SMAD6: variants seen among roughly 807,000 people sequenced by gnomAD.
The protein encoded by SMAD6 is MAD homolog 6.
In SMAD6, 103 loss-of-function variants were observed where a neutral mutation model predicts 39.4. The ratio of observed to expected loss-of-function variants is 2.62; its 90% CI spans 2.23 to 3.08. The LOEUF (loss-of-function observed/expected upper bound fraction) is 3.08. Among genes scored for constraint, SMAD6 ranks in the 30% most tolerant of loss-of-function variants. The pLI is 0.00. For missense variants in SMAD6, 1,104 were observed against 742.9 expected (o/e 1.49, Z -5.65); for synonymous variants, 445 against 353.3 (o/e 1.26, Z -2.91).
chr15:66,717,712 G>A (rs183577700), intron 3 of SMAD6, among the ~76,000 whole-genome samples: 7 of 152,258 alleles, frequency 4.6e-5, no homozygotes, highest in East Asian at 1.9e-4. Flanking sequence ...GGCTAGAAGC[G>A]GAAGCAGGAA....
chr15:66,742,767 A>T (rs183723468), intron 3 of SMAD6, among the ~76,000 whole-genome samples: 38 of 152,142 alleles, frequency 2.5e-4, no homozygotes, highest in African/African-American at 8.7e-4. Flanking sequence ...CCAGGCCCCG[A>T]GCTGTCCTTA....
chr15:66,713,718 C>T (rs1197700912), intron 2 of SMAD6, among the ~76,000 whole-genome samples: 3 of 152,218 alleles, frequency 2.0e-5, no homozygotes, highest in African/African-American at 7.2e-5. Flanking sequence ...CCCACCAGGT[C>T]CCTTCAGGAG....
chr15:66,703,807 C>G lies in SMAD6; in HGVS notation c.549C>G (p.Leu183=). The change falls in exon 1 of 4, where the codon CTC becomes CTG. Residue 183 remains leucine, a synonymous_variant. Coordinates refer to ENST00000288840, the MANE Select transcript of SMAD6 (RefSeq NM_005585.5). ...TCACGTACTCGCTGCTGAAGCGGCT[C>G]AAGGAGCGCTCGCTGGACACGCTGC... is the stretch of plus-strand genomic sequence containing the variant. ...KTVTYSLLKR[L]KERSLDTLLE... is the part of the protein sequence containing the mutation. The G allele has an allele frequency of 7.0e-7, 1 of 1,434,420 alleles. No homozygotes were observed. Among genetic ancestry groups the G allele is most frequent in the Non-Finnish European group, 9.2e-7 (1 of 1,083,174 alleles). 88.9% of individuals were successfully genotyped at this position (1,434,420 alleles called of 1,614,324 possible).
intron 3 of SMAD6, among the ~76,000 whole-genome samples, chr15:66,769,186 C>T (rs1894339354): frequency 6.6e-6 from 1 of 152,186 alleles, no homozygotes; most frequent in African/African-American, 2.4e-5. Flanking sequence ...GAAACCAGCC[C>T]CTGGCAGGGC....
At chr15:66,771,592 G>C (rs917918150) in intron 3 of SMAD6, among the ~76,000 whole-genome samples, 8 of 152,142 alleles carry the variant, frequency 5.3e-5, no homozygotes, top group Admixed American at 4.6e-4. Context: ...GCGACTGGGG[G>C]ACTCTGAGGA....
At chr15:66,717,393 G>A (rs1196499750) in intron 3 of SMAD6, 6 of 456,152 alleles carry the variant, frequency 1.3e-5, no homozygotes, top group East Asian at 1.4e-4. Context: ...TGCTATGGCC[G>A]GCACTCCACT....
At chr15:66,779,860 A>C (rs542957411) in intron 3 of SMAD6, among the ~76,000 whole-genome samples, 1 of 152,344 alleles carries the variant, frequency 6.6e-6, no homozygotes, top group African/African-American at 2.4e-5. Context: ...CTGGGCAGTT[A>C]TAGGTGCCTG....
In SMAD6 at chr15:66,747,700, A is replaced by G. The variant is rs1386124417; in HGVS notation, c.952+31202A>G. Among the ~76,000 whole-genome samples the G allele has an allele frequency of 6.6e-6, 1 of 152,214 alleles. No homozygotes were observed. Among genetic ancestry groups the G allele is most frequent in the African/African-American group, 2.4e-5 (1 of 41,448 alleles). On this transcript the variant is annotated intron_variant, in intron 3 of 3. Coordinates refer to ENST00000288840, the MANE Select transcript of SMAD6 (RefSeq NM_005585.5). The surrounding 1 kb of genome is among the most constrained non-coding windows in gnomAD (Gnocchi z 4.5). ...AGGATAATTGGAAAATGAGGAGTGT[A>G]AATTTGATAGAGGTTGAACGAAACA...
chr15:66,744,102 C>T (rs556243582), intron 3 of SMAD6, among the ~76,000 whole-genome samples: 1 of 152,224 alleles, frequency 6.6e-6, no homozygotes, highest in South Asian at 2.1e-4. Context: ...GAGTGCCCTC[C>T]GGAAAGGCTG....
At chr15:66,704,757 T>C (rs1190877180) in intron 1 of SMAD6, 1 of 152,302 alleles carries the variant, frequency 6.6e-6, no homozygotes, top group Non-Finnish European at 1.5e-5. Flanking sequence ...GTATAGAGTT[T>C]AGGGTCTTGG....
intron 2 of SMAD6, among the ~76,000 whole-genome samples, chr15:66,712,688 C>CAAAAAAAA (rs775687604): frequency 2.0e-5 from 1 of 49,368 alleles, no homozygotes; most frequent in Non-Finnish European, 4.3e-5. Context: ...AATTCTGTCT[C>CAAAAAAAA]AAAAAAAAAA....
chr15:66,745,448 GT>G (rs1893890531), intron 3 of SMAD6, among the ~76,000 whole-genome samples: 1 of 151,950 alleles, frequency 6.6e-6, no homozygotes, highest in Non-Finnish European at 1.5e-5. Flanking sequence ...ACAGCTCTCA[GT>G]GGTCTTCTCG....
rs561656419 is a variant in SMAD6, at chr15:66,730,658, G to T, written c.952+14160G>T. ...ATAGTAATAATGACAACAGCAGTAGGAGTAGTAATAACAGTGGCTAAAAGA... is the reference window on the plus strand; with the variant it reads ...ATAGTAATAATGACAACAGCAGTAGTAGTAGTAATAACAGTGGCTAAAAGA... On this transcript the variant is annotated intron_variant, in intron 3 of 3. Transcript: ENST00000288840. 2.6e-5 allele frequency among the ~76,000 whole-genome samples: 4 copies of T among 152,312 alleles called. No homozygotes were observed. The East Asian group carries it at 5.8e-4, about 22-fold the overall frequency.
At chr15:66,771,293 TA>T (rs751841474) in intron 3 of SMAD6, among the ~76,000 whole-genome samples, 5 of 152,118 alleles carry the variant, frequency 3.3e-5, no homozygotes, top group Non-Finnish European at 5.9e-5. Flanking sequence ...CCTGGGTGAA[TA>T]AAAAGCTTGT....
chr15:66,748,825 G>A (rs748147992), intron 3 of SMAD6, among the ~76,000 whole-genome samples: 1 of 152,196 alleles, frequency 6.6e-6, no homozygotes, highest in Non-Finnish European at 1.5e-5. Context: ...AGACTTGGAT[G>A]AGATGTGCTC....
intron 1 of SMAD6, chr15:66,708,029 C>G (rs1178830201): frequency 6.6e-6 from 1 of 152,358 alleles, no homozygotes; most frequent in African/African-American, 2.4e-5. Context: ...GCTGAACCTT[C>G]TGGTGCACTG....
chr15:66,736,673 C>CTT (rs1177478010), intron 3 of SMAD6, among the ~76,000 whole-genome samples: 1 of 145,502 alleles, frequency 6.9e-6, no homozygotes, highest in Non-Finnish European at 1.5e-5. Flanking sequence ...AGTTCCTTCT[C>CTT]TTTTTTTTTT....
At chr15:66,780,009 C>T (rs1391266371) in intron 3 of SMAD6, among the ~76,000 whole-genome samples, 1 of 152,252 alleles carries the variant, frequency 6.6e-6, no homozygotes, top group African/African-American at 2.4e-5. Flanking sequence ...CCTCCAGACA[C>T]ACAGACGGCC....
At chr15:66,705,277 A>T (rs1893086430) in intron 1 of SMAD6, 2 of 150,644 alleles carry the variant, frequency 1.3e-5, no homozygotes, top group South Asian at 4.2e-4. Flanking sequence ...TAGTGTCTGG[A>T]GAGGAAAGGA....
Sources: gnomAD v4.1 joint callset for allele counts (sites outside exome capture counted in the v4.1 genomes callset) on GRCh38, gnomAD v4.1.1 for gene constraint, Gnocchi (gnomAD v3.1) non-coding constraint, MANE v1.5 for transcripts, NCBI Gene and HGNC (gene_info 2026-07-23, HGNC 2026-07-21) for gene names.